Variants in ZNF695 observed in about 807,000 individuals in gnomAD.
The protein encoded by ZNF695 is zinc finger protein SBZF3.
Under a neutral mutation model 11.2 loss-of-function variants are expected in ZNF695, and 11 were observed. The observed-to-expected ratio is 0.98, with a 90% CI of 0.62 to 1.62. ZNF695 has a LOEUF of 1.62. Ranked by LOEUF, ZNF695 falls within the 40% of genes most tolerant of loss-of-function variation. The pLI is 0.00. For missense variants in ZNF695, 559 were observed against 590.5 expected (o/e 0.95, Z 0.55); for synonymous variants, 190 against 201.4 (o/e 0.94, Z 0.48).
downstream of ZNF695, among the ~76,000 whole-genome samples, chr1:246,982,052 C>A (rs571614440): frequency 7.6e-4 from 115 of 152,172 alleles, no homozygotes; most frequent in African/African-American, 2.3e-3. Flanking sequence ...GGGCGGATCA[C>A]GTGAGGTTGG....
At chr1:246,952,093 C>T (rs1045388735) in intron 5 of ZNF695, among the ~76,000 whole-genome samples, 3 of 151,998 alleles carry the variant, frequency 2.0e-5, no homozygotes, top group Admixed American at 6.6e-5. Flanking sequence ...GGACTACAGT[C>T]GTATGTTACC....
chr1:246,996,310 G>A (rs768921667), intron 3 of ZNF695: 9 of 240,020 alleles, frequency 3.7e-5, no homozygotes, highest in South Asian at 2.2e-4. Context: ...AGCTGAAGTC[G>A]GGCCATGCAC....
downstream of ZNF695, among the ~76,000 whole-genome samples, chr1:246,981,735 T>A (rs1395150288): frequency 6.6e-6 from 1 of 152,132 alleles, no homozygotes; most frequent in African/African-American, 2.4e-5. Context: ...AAGCAGACAG[T>A]GCTAATGGTC....
rs1691248 is a variant in ZNF695, at chr1:246,967,288, A to T, written c.488+407T>A. On this transcript the variant is annotated intron_variant, in intron 5 of 5. Coordinates refer to the ZNF695 transcript ENST00000487338. ...TATATTAAAAAGCCACTGGATTGAG[A>T]ATAGATTGTAAGAAGACAAGGGTAG... The T allele has an allele frequency of 3.7e-3, 1,658 of 448,316 alleles. 35 individuals carry two copies. Among genetic ancestry groups the T allele is most frequent in the African/African-American group, 0.031 (1,521 of 49,498 alleles). The allele number at this position is 448,316 out of a possible 1,614,324, so 27.8% of individuals were successfully genotyped here.
downstream of ZNF695, among the ~76,000 whole-genome samples, chr1:246,984,566 TTA>T (rs892303377): frequency 1.3e-5 from 2 of 152,192 alleles, no homozygotes; most frequent in Non-Finnish European, 2.9e-5. Flanking sequence ...TGGCACTGCG[TTA>T]TGTTTCTTCA....
At chr1:246,980,414 C>A (rs1391468698), downstream of ZNF695, among the ~76,000 whole-genome samples, 3 of 125,192 alleles carry the variant, frequency 2.4e-5, no homozygotes, top group African/African-American at 5.1e-5. Flanking sequence ...TGCCCCCCTG[C>A]CACTTTTTTT....
intron 5 of ZNF695, among the ~76,000 whole-genome samples, chr1:246,961,498 G>C (rs758238822): frequency 1.3e-5 from 2 of 152,184 alleles, no homozygotes; most frequent in African/African-American, 2.4e-5. Flanking sequence ...TAAGCTGCTT[G>C]AGTTTAAGAG....
chr1:246,995,553 C>T (rs1176654120), intron 3 of ZNF695, among the ~76,000 whole-genome samples: 2 of 152,150 alleles, frequency 1.3e-5, no homozygotes, highest in South Asian at 2.1e-4. Context: ...ATTATGGCCA[C>T]GCGCAGTGGC....
intron 1 of ZNF695, among the ~76,000 whole-genome samples, chr1:247,007,502 A>AC (rs1175857124): frequency 6.6e-6 from 1 of 150,388 alleles, no homozygotes; most frequent in African/African-American, 2.4e-5. Flanking sequence ...CTCAAAAAAA[A>AC]AAAAAAAAAA....
intron 1 of ZNF695, among the ~76,000 whole-genome samples, chr1:247,002,142 T>G (rs1019136804): frequency 9.2e-5 from 14 of 151,902 alleles, no homozygotes; most frequent in Non-Finnish European, 2.1e-4. Context: ...AACCACACTC[T>G]CAAGACCACA....
intron 5 of ZNF695, among the ~76,000 whole-genome samples, chr1:246,966,211 G>T (rs956247226): frequency 6.6e-6 from 1 of 152,090 alleles, no homozygotes; most frequent in Non-Finnish European, 1.5e-5. Context: ...AAGTGAGGTC[G>T]GGCGCGGTGG....
In ZNF695 at chr1:246,987,375, G is replaced by A. The variant is rs1341706957; in HGVS notation, c.1140C>T (p.Tyr380=). Reference sequence around the variant, plus strand: ...AAGCTTTGCCACATTCCTCACATTTGTATGGTTTCTCACCAGTATGAATTC... The same window carrying A: ...AAGCTTTGCCACATTCCTCACATTTATATGGTTTCTCACCAGTATGAATTC... ...HRRIHTGEKP[Y]KCEECGKAFT... The change falls in exon 4 of 4, where the codon TAC becomes TAT. Residue 380 remains tyrosine, a synonymous_variant. Transcript: ENST00000339986. 3 of 1,613,508 alleles carry A rather than the reference G, an allele frequency of 1.9e-6. No individual in the cohort carries two copies. The highest frequency in any genetic ancestry group is 3.3e-5 in the Admixed American group (2 of 59,956).
intron 4 of ZNF695, among the ~76,000 whole-genome samples, chr1:246,970,819 T>A (rs993324180): frequency 7.9e-5 from 12 of 152,196 alleles, no homozygotes; most frequent in Non-Finnish European, 1.3e-4. Context: ...CAGGCTGGAG[T>A]GCAATGGTGC....
chr1:246,994,473 A>G (rs1371483927), intron 3 of ZNF695, among the ~76,000 whole-genome samples: 1 of 151,960 alleles, frequency 6.6e-6, no homozygotes, highest in Non-Finnish European at 1.5e-5. Context: ...CCTGGGAGGC[A>G]GAGGTTGCAG....
intron 5 of ZNF695, among the ~76,000 whole-genome samples, chr1:246,957,798 T>A (rs1014474045): frequency 4.6e-5 from 7 of 151,944 alleles, no homozygotes; most frequent in African/African-American, 1.7e-4. Flanking sequence ...CAAGCCTGGC[T>A]AATTTTTTGT....
At chr1:246,975,777 T>G (rs909325172) in intron 4 of ZNF695, among the ~76,000 whole-genome samples, 1 of 152,096 alleles carries the variant, frequency 6.6e-6, no homozygotes, top group African/African-American at 2.4e-5. Context: ...TGATTTAAAT[T>G]ATGTCTCTGA....
chr1:246,946,916 C>T lies in ZNF695; in HGVS notation c.489-1089G>A, dbSNP rs564371804. On this transcript the variant is annotated intron_variant, in intron 5 of 5. Coordinates refer to the ZNF695 transcript ENST00000487338. ...CAGCACTTTGGAAGGCCAAGGCAGG[C>T]AGATCACGAGGTCAGGAGATCAAGA... Among the ~76,000 whole-genome samples the T allele has an allele frequency of 4.2e-3, 639 of 152,192 alleles. 5 individuals are homozygous for T. Among genetic ancestry groups the T allele is most frequent in the South Asian group, 0.024 (118 of 4,822 alleles).
chr1:246,966,453 C>T (rs190460446), intron 5 of ZNF695, among the ~76,000 whole-genome samples: 2 of 151,846 alleles, frequency 1.3e-5, no homozygotes, highest in Non-Finnish European at 2.9e-5. Flanking sequence ...TGCACTCCAG[C>T]CTGGGCGACA....
chr1:246,985,327 A>T lies in ZNF695; in HGVS notation c.*1640T>A, dbSNP rs769335114. The T allele has an allele frequency of 2.0e-5, 20 of 984,348 alleles. No homozygotes were observed. The highest frequency in any genetic ancestry group is 2.2e-5 in the Non-Finnish European group (18 of 828,908). 61.0% of individuals were successfully genotyped at this position (984,348 alleles called of 1,614,324 possible). A position where few individuals can be genotyped will look rare whatever the true frequency, so the allele number is the denominator to read the frequency against. ...AAGATTCAGAAATACACGGTCTTTG[A>T]TTATAATCCTATATAGGCTTTATTA... is the stretch of plus-strand genomic sequence containing the variant. On this transcript the variant is annotated 3_prime_UTR_variant, in exon 4 of 4. Coordinates refer to ENST00000339986, the MANE Select transcript of ZNF695 (RefSeq NM_020394.5).
Sources: gnomAD v4.1 joint callset for allele counts (sites outside exome capture counted in the v4.1 genomes callset) on GRCh38, gnomAD v4.1.1 for gene constraint, MANE v1.5 for transcripts, NCBI Gene and HGNC (gene_info 2026-07-23, HGNC 2026-07-21) for gene names.